The following RNF115 variants were observed in gnomAD, a reference collection of about 807,000 sequenced individuals.
RNF115 encodes ring finger protein 115.
RNF115 carries 31 observed loss-of-function variants against 39.2 expected under a neutral mutation model. The ratio of observed to expected loss-of-function variants is 0.79; its 90% CI spans 0.59 to 1.07. The LOEUF (loss-of-function observed/expected upper bound fraction) is 1.07. Among genes scored for constraint, RNF115 ranks in the 50% least tolerant of loss-of-function variants. The probability of loss-of-function intolerance (pLI) is 0.00; values close to 1 mark genes in which losing one functional copy is unlikely to be tolerated. For missense variants in RNF115, 384 were observed against 381.7 expected, an observed-to-expected ratio of 1.01 and a Z score of -0.05; for synonymous variants, 124 against 131.0, an observed-to-expected ratio of 0.95 and a Z score of 0.37.
chr1:145,754,893 C>A (rs587712254), intron 4 of RNF115, among the ~76,000 whole-genome samples: 2 of 152,098 alleles, frequency 1.3e-5, no homozygotes, highest in Non-Finnish European at 2.9e-5. Flanking sequence ...TAGTGACTCA[C>A]TTAACAATAG....
At chr1:145,815,791 C>T (rs1342405206) in intron 1 of RNF115, among the ~76,000 whole-genome samples, 1 of 148,726 alleles carries the variant, frequency 6.7e-6, no homozygotes, top group African/African-American at 2.5e-5. Context: ...AACTTAAAAT[C>T]CTGAGGCTCC....
At chr1:145,805,128 G>A (rs587721958) in intron 1 of RNF115, among the ~76,000 whole-genome samples, 1 of 152,154 alleles carries the variant, frequency 6.6e-6, no homozygotes, top group South Asian at 2.1e-4. Context: ...CAGAGCTTCT[G>A]ACTGAGAACT....
chr1:145,751,510 C>T lies in RNF115; in HGVS notation c.501G>A (p.Trp167Ter). 1 of 1,593,678 alleles carries T rather than the reference C, an allele frequency of 6.3e-7. No individual in the cohort carries two copies. Among genetic ancestry groups the T allele is most frequent in the Non-Finnish European group, 8.6e-7 (1 of 1,168,484 alleles). The part of the protein sequence containing the change: ...AIPGSPHPFS[W>*]SGMLHSNPGD... ...CAGGGTTGGAGTGCAGCATCCCGCTCCTATACGTGAGATGAGATAGACAGC... is the reference window on the plus strand; with the variant it reads ...CAGGGTTGGAGTGCAGCATCCCGCTTCTATACGTGAGATGAGATAGACAGC... Residue 167 changes from tryptophan (W) to a stop codon, truncating the protein, a stop_gained and splice_region_variant, in exon 6 of 9, where the codon TGG (tryptophan) becomes TGA (stop). Coordinates refer to ENST00000582693, the MANE Select transcript of RNF115 (RefSeq NM_014455.4). LOFTEE classifies it high-confidence loss of function.
chr1:145,764,725 C>T (rs2101505750), intron 4 of RNF115, among the ~76,000 whole-genome samples: 1 of 151,742 alleles, frequency 6.6e-6, no homozygotes, highest in Admixed American at 6.6e-5. Flanking sequence ...TCAGCCCCCG[C>T]CCGGCCAGCT....
intron 1 of RNF115, among the ~76,000 whole-genome samples, chr1:145,802,207 T>G (rs1440221729): frequency 6.6e-6 from 1 of 152,110 alleles, no homozygotes; most frequent in Non-Finnish European, 1.5e-5. Flanking sequence ...GCTTTCCCCC[T>G]AGGCTCTAAA....
intron 4 of RNF115, among the ~76,000 whole-genome samples, chr1:145,769,569 C>A (rs1318940046): frequency 1.3e-5 from 2 of 151,900 alleles, no homozygotes; most frequent in Non-Finnish European, 2.9e-5. Context: ...CAAAAAGATA[C>A]CAGGTCCAGA....
At chr1:145,760,711 C>A (rs886400623) in intron 4 of RNF115, among the ~76,000 whole-genome samples, 1 of 152,106 alleles carries the variant, frequency 6.6e-6, no homozygotes, top group African/African-American at 2.4e-5. Flanking sequence ...TCTTTATCAG[C>A]AGCGTGAAAA....
chr1:145,806,803 T>C (rs1194244794), intron 1 of RNF115, among the ~76,000 whole-genome samples: 2 of 152,188 alleles, frequency 1.3e-5, no homozygotes, highest in Non-Finnish European at 2.9e-5. Flanking sequence ...CTAAGTAAAC[T>C]TCTTTTGTTT....
intron 3 of RNF115, among the ~76,000 whole-genome samples, chr1:145,777,613 G>GA (rs781985414): frequency 2.9e-4 from 43 of 146,308 alleles, no homozygotes; most frequent in East Asian, 1.4e-3. Flanking sequence ...AAGCATAAAA[G>GA]AAAAAAAAAA....
intron 8 of RNF115, among the ~76,000 whole-genome samples, chr1:145,747,248 C>G (rs936397255): frequency 2.4e-4 from 36 of 152,232 alleles, no homozygotes; most frequent in African/African-American, 8.4e-4. Context: ...TAATACATAC[C>G]ACCAAACAGA....
chr1:145,820,272 C>G (rs1349689002), intron 1 of RNF115, among the ~76,000 whole-genome samples: 1 of 150,604 alleles, frequency 6.6e-6, no homozygotes, highest in African/African-American at 2.4e-5. Context: ...TGAGACCAGC[C>G]GGGGCAACAT....
At chr1:145,765,297 C>T (rs959032466) in intron 4 of RNF115, among the ~76,000 whole-genome samples, 10 of 152,234 alleles carry the variant, frequency 6.6e-5, no homozygotes, top group African/African-American at 2.4e-4. Flanking sequence ...GGCCGCAGGG[C>T]CCTCTGCCTA....
At chr1:145,769,293 T>G (rs782710455) in intron 4 of RNF115, among the ~76,000 whole-genome samples, 8 of 152,336 alleles carry the variant, frequency 5.3e-5, no homozygotes, top group Non-Finnish European at 1.2e-4. Flanking sequence ...CACATGGTTA[T>G]AGTGAGGATT....
At chr1:145,812,397 C>T (rs1649768904) in intron 1 of RNF115, among the ~76,000 whole-genome samples, 2 of 150,796 alleles carry the variant, frequency 1.3e-5, no homozygotes, top group South Asian at 4.2e-4. Flanking sequence ...GTGGCTAACA[C>T]CTGTAATCCC....
chr1:145,804,429 T>C (rs1649377381), intron 1 of RNF115, among the ~76,000 whole-genome samples: 1 of 152,044 alleles, frequency 6.6e-6, no homozygotes, highest in Admixed American at 6.6e-5. Context: ...AAAGCTGGAC[T>C]GGTAATCATT....
intron 1 of RNF115, among the ~76,000 whole-genome samples, chr1:145,797,483 G>A (rs1649035988): frequency 6.6e-6 from 1 of 152,080 alleles, no homozygotes; most frequent in South Asian, 2.1e-4. Flanking sequence ...CATATGACAG[G>A]ATTTATTTCC....
chr1:145,763,793 T>C (rs1427256267), intron 4 of RNF115, among the ~76,000 whole-genome samples: 2 of 152,218 alleles, frequency 1.3e-5, no homozygotes, highest in Non-Finnish European at 2.9e-5. Flanking sequence ...CTATTACTTG[T>C]CTGGAAAACA....
intron 3 of RNF115, among the ~76,000 whole-genome samples, chr1:145,781,907 T>TA: frequency 6.6e-6 from 1 of 151,618 alleles, no homozygotes; most frequent in East Asian, 1.9e-4. Context: ...TTCCTTTTTT[T>TA]TTTTTTTTTT....
chr1:145,773,361 T>C (rs782473386), intron 3 of RNF115: 2 of 152,020 alleles, frequency 1.3e-5, no homozygotes, highest in Admixed American at 1.3e-4. Context: ...TGTGTGCCTG[T>C]AATTCCAGCT....
Sources: gnomAD v4.1 joint callset for allele counts (sites outside exome capture counted in the v4.1 genomes callset) on GRCh38, gnomAD v4.1.1 for gene constraint, MANE v1.5 for transcripts, NCBI Gene and HGNC (gene_info 2026-07-23, HGNC 2026-07-21) for gene names.